Variants in RPTOR observed in about 807,000 individuals in gnomAD.
RPTOR encodes the protein regulatory associated protein of MTOR complex 1, also known as regulatory-associated protein of mTOR.
A neutral mutation model predicts 169.9 loss-of-function variants in RPTOR; 21 were observed. The observed-to-expected ratio is 0.12, with a 90% confidence interval of 0.09 to 0.18. RPTOR has a LOEUF of 0.18. RPTOR is among the 10% of genes least tolerant of loss of function. The pLI, the probability that RPTOR is intolerant of heterozygous loss-of-function variation, is 1.00. For synonymous variants in RPTOR, 732 were observed against 753.2 expected (o/e 0.97, Z 0.46); for missense variants, 1,133 against 1,855.9 (o/e 0.61, Z 7.16).
intron 13 of RPTOR, among the ~76,000 whole-genome samples, chr17:80,872,094 G>A (rs1461496197): frequency 6.6e-6 from 1 of 152,200 alleles, no homozygotes; most frequent in Middle Eastern, 3.2e-3. Flanking sequence ...AAATCAACAA[G>A]ATTGCATTGC....
chr17:80,832,394 G>A (rs1456681149), intron 9 of RPTOR, among the ~76,000 whole-genome samples: 1 of 152,196 alleles, frequency 6.6e-6, no homozygotes, highest in Non-Finnish European at 1.5e-5. Context: ...AGGCCTGGGG[G>A]ACAGACTTGG....
chr17:80,626,758 AC>A (rs1419865420), intron 2 of RPTOR, among the ~76,000 whole-genome samples: 2 of 145,770 alleles, frequency 1.4e-5, no homozygotes, highest in Non-Finnish European at 3.0e-5. Context: ...CATAGACAAC[AC>A]AAAATACCAT....
At chr17:80,687,249 C>T (rs192552872) in intron 3 of RPTOR, among the ~76,000 whole-genome samples, 4 of 152,332 alleles carry the variant, frequency 2.6e-5, no homozygotes, top group East Asian at 1.9e-4. Flanking sequence ...GTTTGCTCTT[C>T]GTTACCCTCT....
At chr17:80,700,694 G>A (rs1279363865) in intron 3 of RPTOR, among the ~76,000 whole-genome samples, 15 of 91,260 alleles carry the variant, frequency 1.6e-4, no homozygotes, top group East Asian at 3.6e-4. Context: ...GGTGGTGATG[G>A]TGATGGTGGT....
chr17:80,766,204 T>A (rs2066785658), intron 6 of RPTOR, among the ~76,000 whole-genome samples: 1 of 152,092 alleles, frequency 6.6e-6, no homozygotes, highest in East Asian at 1.9e-4. Flanking sequence ...TACAGGTGTA[T>A]GCCACCATTC....
chr17:80,742,211 A>T (rs903120047), intron 5 of RPTOR, among the ~76,000 whole-genome samples: 2 of 152,120 alleles, frequency 1.3e-5, no homozygotes, highest in Non-Finnish European at 2.9e-5. Context: ...GTTTGTGCTA[A>T]TGGGAGTAAC....
At chr17:80,657,554 A>G (rs2065689532) in intron 3 of RPTOR, among the ~76,000 whole-genome samples, 2 of 152,018 alleles carry the variant, frequency 1.3e-5, no homozygotes, top group Admixed American at 1.3e-4. Flanking sequence ...CAGAGCACTC[A>G]CTGAATGCAT....
intron 7 of RPTOR, among the ~76,000 whole-genome samples, chr17:80,814,921 G>A (rs537179300): frequency 7.9e-5 from 12 of 152,248 alleles, no homozygotes; most frequent in South Asian, 6.2e-4. Flanking sequence ...AGAGGAGGCC[G>A]GACTTGAGCC....
intron 10 of RPTOR, among the ~76,000 whole-genome samples, chr17:80,841,658 C>G (rs1479806846): frequency 7.1e-6 from 1 of 140,302 alleles, no homozygotes; most frequent in Non-Finnish European, 1.5e-5. Flanking sequence ...GCAGCTCACT[C>G]TCACCGCGCC....
intron 24 of RPTOR, among the ~76,000 whole-genome samples, chr17:80,927,406 C>T (rs527530556): frequency 6.6e-6 from 1 of 152,264 alleles, no homozygotes; most frequent in South Asian, 2.1e-4. Flanking sequence ...TCTTGAAGTC[C>T]TTGAAAAATG....
At chr17:80,956,231 AAAAAAG>A (rs2069247195) in intron 28 of RPTOR, among the ~76,000 whole-genome samples, 1 of 152,216 alleles carries the variant, frequency 6.6e-6, no homozygotes, top group African/African-American at 2.4e-5. Context: ...TGAAAAAAAA[AAAAAAG>A]AGCAAACAAT....
In RPTOR at chr17:80,966,133, G is replaced by A. The variant is rs1413215851; in HGVS notation, c.*1803G>A. Reference sequence around the variant, plus strand: ...GGGGTCAAGACCCCCCCCCGCCCCCGCTCCACCCTGGAGCCCACCCCCATG... The same window carrying A: ...GGGGTCAAGACCCCCCCCCGCCCCCACTCCACCCTGGAGCCCACCCCCATG... On this transcript the variant is annotated 3_prime_UTR_variant, in exon 34 of 34. Coordinates refer to ENST00000306801, the MANE Select transcript of RPTOR (RefSeq NM_020761.3). The A allele has an allele frequency of 1.6e-4, 19 of 116,178 alleles. No homozygotes were observed. Among genetic ancestry groups the A allele is most frequent in the East Asian group, 1.2e-3 (13 of 10,866 alleles). 7.2% of individuals were successfully genotyped at this position (116,178 alleles called of 1,614,324 possible). A position where few individuals can be genotyped will look rare whatever the true frequency, so the allele number is the denominator to read the frequency against.
chr17:80,845,335 T>C lies in RPTOR; in HGVS notation c.1213-1138T>C, dbSNP rs1280661238. ...CCTGACATTCTGACCCCAAGCATTT[T>C]TTTTGGTCTCCCTCACCCGCGCGCC... On this transcript the variant is annotated intron_variant, in intron 10 of 33. Transcript: ENST00000306801. This position sits in a 1 kb window ranked among gnomAD's most constrained non-coding sequence, Gnocchi z 5.4. Among the ~76,000 whole-genome samples, 1 of 152,092 alleles carries C rather than the reference T, an allele frequency of 6.6e-6. No homozygotes were observed. Among genetic ancestry groups the C allele is most frequent in the Non-Finnish European group, 1.5e-5 (1 of 68,000 alleles).
At chr17:80,595,554 C>T (rs1284471547) in intron 1 of RPTOR, among the ~76,000 whole-genome samples, 2 of 152,162 alleles carry the variant, frequency 1.3e-5, no homozygotes. Flanking sequence ...CTCCTGGGCT[C>T]AGGTGATCCT....
At chr17:80,841,977 G>A (rs1294427446) in intron 10 of RPTOR, among the ~76,000 whole-genome samples, 25 of 139,234 alleles carry the variant, frequency 1.8e-4, no homozygotes, top group Non-Finnish European at 2.3e-4. Flanking sequence ...CACTCTCACC[G>A]CACCGCAGCT....
At chr17:80,753,683 C>T (rs1038419267) in intron 5 of RPTOR, among the ~76,000 whole-genome samples, 2 of 149,778 alleles carry the variant, frequency 1.3e-5, no homozygotes, top group Admixed American at 6.6e-5. Context: ...CCGTAAGACA[C>T]CATGAAAGAC....
chr17:80,730,827 G>A lies in RPTOR; in HGVS notation c.654+121G>A. The A allele has an allele frequency of 4.9e-6, 5 of 1,027,286 alleles. No homozygotes were observed. The highest frequency in any genetic ancestry group is 5.8e-6 in the Non-Finnish European group (4 of 689,528). The allele number at this position is 1,027,286 out of a possible 1,614,324, so 63.6% of individuals were successfully genotyped here. On this transcript the variant is annotated intron_variant, in intron 5 of 33. Coordinates refer to ENST00000306801, the MANE Select transcript of RPTOR (RefSeq NM_020761.3). The surrounding 1 kb of genome is among the most constrained non-coding windows in gnomAD (Gnocchi z 4.2). Reference sequence around the variant, plus strand: ...CTCTGAATGGAGCAGGGCTCAGAATGCCAAGGGCAGGATGGCATATTCAAT... The same window carrying A: ...CTCTGAATGGAGCAGGGCTCAGAATACCAAGGGCAGGATGGCATATTCAAT...
At chr17:80,575,118 GC>G (rs2064950453) in intron 1 of RPTOR, among the ~76,000 whole-genome samples, 1 of 151,970 alleles carries the variant, frequency 6.6e-6, no homozygotes, top group African/African-American at 2.4e-5. Flanking sequence ...TATGCACTTA[GC>G]ATTTAGAAAT....
In RPTOR at chr17:80,657,284, G is replaced by A. The variant is rs112181348; in HGVS notation, c.348+13474G>A. On this transcript the variant is annotated intron_variant, in intron 3 of 33. Transcript: ENST00000306801. The stretch of plus-strand genomic sequence containing the variant: ...AGAAGCAAGCTCCAGAAAAGAGCAG[G>A]CTCCAGCTTTGCAAGGTAAACCTTG... Among the ~76,000 whole-genome samples, 1,226 of 152,248 alleles carry A rather than the reference G, an allele frequency of 8.1e-3. 23 individuals carry two copies. The highest frequency in any genetic ancestry group is 0.028 in the African/African-American group (1,163 of 41,540).
Sources: allele counts gnomAD v4.1 joint callset (sites outside exome capture counted in the v4.1 genomes callset), GRCh38; gene constraint gnomAD v4.1.1; non-coding constraint Gnocchi (gnomAD v3.1); transcripts MANE v1.5; gene names NCBI Gene and HGNC (gene_info 2026-07-23, HGNC 2026-07-21).